The following PPP2R3B variants were observed in gnomAD, a reference collection of about 807,000 sequenced individuals.
PPP2R3B encodes the protein serine/threonine-protein phosphatase 2A regulatory subunit B'' subunit beta.
A neutral mutation model predicts 72.9 loss-of-function variants in PPP2R3B; 68 were observed. That is an observed-to-expected ratio of 0.93 (90% confidence interval 0.77 to 1.14). The LOEUF (loss-of-function observed/expected upper bound fraction) is 1.14, where lower values mean the gene tolerates loss of function less well. Ranked by LOEUF, PPP2R3B falls within the 50% of genes most tolerant of loss-of-function variation. PPP2R3B has a pLI of 0.00. For synonymous variants in PPP2R3B, 466 were observed against 375.8 expected (o/e 1.24, Z -2.78); for missense variants, 1,018 against 842.0 (o/e 1.21, Z -2.59).
chrX:361,381 C>A lies in PPP2R3B; in HGVS notation c.510+24G>T, dbSNP rs760511293. ...TGCCCGCAGTACCACCTCGGCTGCT[C>A]CACGTCCCACGCGTGACACGTACCT... On this transcript the variant is annotated intron_variant, in intron 2 of 12. Transcript: ENST00000390665. 8 of 1,612,914 alleles carry A rather than the reference C, an allele frequency of 5.0e-6. No homozygotes were observed. The African/African-American group carries it at 8.0e-5, about 16-fold the overall frequency.
chrX:379,121 G>GTGTGTGCACCTA (rs1282620127), intron 1 of PPP2R3B, among the ~76,000 whole-genome samples: 57 of 150,332 alleles, frequency 3.8e-4, no homozygotes, highest in African/African-American at 1.3e-3. Context: ...GTGTGCACCT[G>GTGTGTGCACCTA]TGTGTATGCA....
At chrX:380,807 AAAAAGC>A (rs1203858906) in intron 1 of PPP2R3B, among the ~76,000 whole-genome samples, 165 of 150,702 alleles carry the variant, frequency 1.1e-3, no homozygotes, top group African/African-American at 3.9e-3. Context: ...AAAAAAAAAA[AAAAAGC>A]AGCTCATCCA....
intron 10 of PPP2R3B, among the ~76,000 whole-genome samples, 188 bp from the exon 11 acceptor site, chrX:339,084 G>C (rs753294976): frequency 2.8e-4 from 43 of 152,214 alleles, no homozygotes; most frequent in African/African-American, 1.0e-3. Context: ...CTGAGGCGTG[G>C]GAGGCCGTGA....
chrX:359,158 C>T (rs2071495067), intron 2 of PPP2R3B, among the ~76,000 whole-genome samples: 1 of 152,000 alleles, frequency 6.6e-6, no homozygotes, highest in South Asian at 2.1e-4. Flanking sequence ...GTGGGTGGGG[C>T]CGGGCGCACT....
chrX:381,920 A>G (rs1228891016), intron 1 of PPP2R3B, among the ~76,000 whole-genome samples: 1 of 152,092 alleles, frequency 6.6e-6, no homozygotes, highest in Non-Finnish European at 1.5e-5. Flanking sequence ...TTTTGTCCCA[A>G]TGAACAGACA....
At chrX:340,494 G>A (rs866290760) in intron 10 of PPP2R3B, among the ~76,000 whole-genome samples, 892 of 65,198 alleles carry the variant, frequency 0.014, 21 homozygotes, top group African/African-American at 0.046. Context: ...CCCCCCTCCC[G>A]TCCGTCCCCT....
intron 10 of PPP2R3B, among the ~76,000 whole-genome samples, chrX:340,526 C>T (rs1439221226): frequency 1.6e-5 from 2 of 124,266 alleles, no homozygotes; most frequent in Admixed American, 7.4e-5. Flanking sequence ...GTCCCCCCTC[C>T]CGTCCGTCCC....
chrX:351,854 T>C (rs1174595694), intron 2 of PPP2R3B, among the ~76,000 whole-genome samples: 1 of 152,184 alleles, frequency 6.6e-6, no homozygotes, highest in South Asian at 2.1e-4. Context: ...CGCGCTATCA[T>C]GCCTGGGTAA....
At chrX:361,275 A>C (rs1178178628) in intron 2 of PPP2R3B, 130 bp downstream of exon 2, 1 of 1,057,674 alleles carries the variant, frequency 9.5e-7, no homozygotes, top group Non-Finnish European at 1.4e-6. Context: ...ACACGTGTGA[A>C]ACGCACCCTC....
chrX:360,629 G>A (rs1040866272), intron 2 of PPP2R3B, among the ~76,000 whole-genome samples: 8 of 152,204 alleles, frequency 5.3e-5, no homozygotes, highest in African/African-American at 7.2e-5. Context: ...GGGTCTCACC[G>A]TGAGGGGCTC....
chrX:346,578 C>T, intron 5 of PPP2R3B, 123 bp downstream of exon 5: 2 of 951,514 alleles, frequency 2.1e-6, no homozygotes, highest in South Asian at 1.6e-5. Flanking sequence ...AGCGCGGCCG[C>T]CTCCTCCGGA....
chrX:360,767 C>G (rs2071521847), intron 2 of PPP2R3B, among the ~76,000 whole-genome samples: 2 of 152,232 alleles, frequency 1.3e-5, no homozygotes, highest in Admixed American at 1.3e-4. Flanking sequence ...CACAACCACC[C>G]ACCAGGGGTC....
At chrX:340,663 CCT>C (rs1863039631) in intron 10 of PPP2R3B, 100 bp downstream of exon 10, 1 of 1,231,764 alleles carries the variant, frequency 8.1e-7, no homozygotes, top group Non-Finnish European at 1.1e-6. Flanking sequence ...TCATCCGTCC[CCT>C]CTCCCTGGGC....
At chrX:363,460 C>CCCACAGTGCATCTCCCCGTGCCCACG (rs2071595491) in intron 1 of PPP2R3B, among the ~76,000 whole-genome samples, 1 of 2,204 alleles carries the variant, frequency 4.5e-4, no homozygotes. Context: ...CCGAGCCCAC[C>CCCACAGTGCATCTCCCCGTGCCCACG]ATCCCACAAT....
chrX:376,427 C>T (rs1275814340), intron 1 of PPP2R3B, among the ~76,000 whole-genome samples: 5 of 146,746 alleles, frequency 3.4e-5, no homozygotes, highest in South Asian at 2.1e-4. Context: ...TGTCCACACT[C>T]GACAGAGCCC....
At position 361,653 on chromosome X, in the gene PPP2R3B, G is replaced by A. The variant is rs1311623208; in HGVS notation, c.325-63C>T. 27 of 1,581,142 alleles carry A rather than the reference G, an allele frequency of 1.7e-5. No individual in the cohort carries two copies. The East Asian group carries it at 6.1e-4, about 35-fold the overall frequency. ...GAGCATCGAACGCCTTCTTCACCCGGACAACACACGGGGCCTCTCTAGGGC... is the reference window on the plus strand; with the variant it reads ...GAGCATCGAACGCCTTCTTCACCCGAACAACACACGGGGCCTCTCTAGGGC... On this transcript the variant is annotated intron_variant, in intron 1 of 12. Coordinates refer to ENST00000390665, the MANE Select transcript of PPP2R3B (RefSeq NM_013239.5).
At chrX:363,920 C>G (rs1283861204) in intron 1 of PPP2R3B, among the ~76,000 whole-genome samples, 1 of 152,262 alleles carries the variant, frequency 6.6e-6, no homozygotes, top group African/African-American at 2.4e-5. Context: ...ACAAACCAAC[C>G]TTCCTGATGA....
rs200750154 is a variant in PPP2R3B at position 338,905 on chromosome X, A to T, written c.1352-9T>A. 3 of 1,610,158 alleles carry T rather than the reference A, an allele frequency of 1.9e-6. No homozygotes were observed. The highest frequency in any genetic ancestry group is 1.3e-5 in the African/African-American group (1 of 74,974). On this transcript the variant is annotated splice_polypyrimidine_tract_variant and intron_variant, in intron 10 of 12. Coordinates refer to ENST00000390665, the MANE Select transcript of PPP2R3B (RefSeq NM_013239.5). Reference sequence around the variant, plus strand: ...CTGCAGCGTGATCTTCCCTGCGGGGAGGGGAGTGCGTCCAAGGCGCGTGAG... The same window carrying T: ...CTGCAGCGTGATCTTCCCTGCGGGGTGGGGAGTGCGTCCAAGGCGCGTGAG...
chrX:377,983 G>A (rs187761513), intron 1 of PPP2R3B, among the ~76,000 whole-genome samples: 41 of 144,118 alleles, frequency 2.8e-4, no homozygotes, highest in Admixed American at 5.4e-4. Context: ...CAGTGGGGCC[G>A]CCATGGGGCT....
Sources: gnomAD v4.1 joint callset for allele counts (sites outside exome capture counted in the v4.1 genomes callset) on GRCh38, gnomAD v4.1.1 for gene constraint, MANE v1.5 for transcripts, NCBI Gene and HGNC (gene_info 2026-07-23, HGNC 2026-07-21) for gene names.